The following NALF1 variants were observed in gnomAD, a reference collection of about 807,000 sequenced individuals.
NALF1 encodes the protein family with sequence similarity 155 member A.
Under a neutral mutation model 48.4 loss-of-function variants are expected in NALF1, and 3 were observed. The ratio of observed to expected loss-of-function variants is 0.06; its 90% CI spans 0.03 to 0.16. NALF1 has a LOEUF of 0.16. NALF1 is among the 10% of genes least tolerant of loss of function. The pLI, the probability that NALF1 is intolerant of heterozygous loss-of-function variation, is 1.00. For missense variants in NALF1, 526 were observed against 571.5 expected, an observed-to-expected ratio of 0.92 and a Z score of 0.81; for synonymous variants, 262 against 245.7, an observed-to-expected ratio of 1.07 and a Z score of -0.62.
intron 1 of NALF1, chr13:107,320,998 A>G (rs1444894004): frequency 1.3e-5 from 2 of 157,098 alleles, no homozygotes; most frequent in East Asian, 3.2e-4. Context: ...CAACATTTAT[A>G]AAAAAGAATT....
chr13:107,213,888 A>T (rs533819068), intron 1 of NALF1, among the ~76,000 whole-genome samples: 1 of 152,304 alleles, frequency 6.6e-6, no homozygotes, highest in Admixed American at 6.5e-5. Context: ...AGGTTCTTAC[A>T]GTTATCTCGT....
intron 1 of NALF1, among the ~76,000 whole-genome samples, chr13:107,637,047 T>C (rs1457085110): frequency 6.6e-6 from 1 of 151,840 alleles, no homozygotes; most frequent in Non-Finnish European, 1.5e-5. Context: ...ACGGTATCAG[T>C]ACAGTAAGAT....
chr13:107,634,068 C>T (rs1024848879), intron 1 of NALF1, among the ~76,000 whole-genome samples: 7 of 151,762 alleles, frequency 4.6e-5, no homozygotes, highest in Non-Finnish European at 8.8e-5. Flanking sequence ...ACATGTATCA[C>T]GAATACTTTA....
rs551460496 is a variant in NALF1, at chr13:107,598,103, G to A, written c.915+267579C>T. 3.9e-5 allele frequency among the ~76,000 whole-genome samples: 6 copies of A among 152,212 alleles called. No individual in the cohort carries two copies. In the South Asian group the frequency reaches 1.2e-3, roughly 32 times the overall value. ...GATATGCCTAGATGGTAAAACCTAG[G>A]TTAGTATTTTGCTCTCTGTCCAGAA... On this transcript the variant is annotated intron_variant, in intron 1 of 2. Transcript: ENST00000375915.
At chr13:107,841,519 A>G (rs1024496384) in intron 1 of NALF1, among the ~76,000 whole-genome samples, 11 of 152,142 alleles carry the variant, frequency 7.2e-5, no homozygotes, top group Admixed American at 5.2e-4. Flanking sequence ...GTAAATAAAT[A>G]TTATAAGTCA....
chr13:107,298,937 AT>A (rs202210882), intron 1 of NALF1, among the ~76,000 whole-genome samples: 2,256 of 151,996 alleles, frequency 0.015, 61 homozygotes, highest in African/African-American at 0.052. Context: ...AAATTTTACC[AT>A]TTTTTTCCCC....
chr13:107,760,259 G>T (rs1298487966), intron 1 of NALF1, among the ~76,000 whole-genome samples: 1 of 152,168 alleles, frequency 6.6e-6, no homozygotes. Context: ...AACTCTGGAC[G>T]CCTAAGGAGA....
At chr13:107,271,345 G>T (rs1042183769) in intron 1 of NALF1, among the ~76,000 whole-genome samples, 3 of 152,172 alleles carry the variant, frequency 2.0e-5, no homozygotes, top group Non-Finnish European at 2.9e-5. Flanking sequence ...TATTTGATGT[G>T]TAAGAAGTTC....
At chr13:107,545,498 A>G (rs2139123595) in intron 1 of NALF1, among the ~76,000 whole-genome samples, 1 of 152,214 alleles carries the variant, frequency 6.6e-6, no homozygotes, top group African/African-American at 2.4e-5. Context: ...AGCAGAGCAA[A>G]CCAGAGATGT....
intron 1 of NALF1, among the ~76,000 whole-genome samples, chr13:107,403,414 C>T (rs531552186): frequency 6.6e-6 from 1 of 151,616 alleles, no homozygotes; most frequent in African/African-American, 2.4e-5. Context: ...AATTATGGAG[C>T]TATTCTGCAC....
intron 1 of NALF1, among the ~76,000 whole-genome samples, chr13:107,469,104 T>C (rs1885054518): frequency 6.6e-6 from 1 of 152,162 alleles, no homozygotes; most frequent in Admixed American, 6.5e-5. Flanking sequence ...TTCTACTTTA[T>C]ATTTTTATAC....
chr13:107,290,134 G>A (rs1442459626), intron 1 of NALF1, among the ~76,000 whole-genome samples: 3 of 149,786 alleles, frequency 2.0e-5, no homozygotes, highest in South Asian at 2.1e-4. Context: ...TCCCCCTCAC[G>A]GTATCCTTTG....
chr13:107,250,091 G>GTTT (rs36112310), intron 1 of NALF1, among the ~76,000 whole-genome samples: 77 of 145,996 alleles, frequency 5.3e-4, no homozygotes, highest in South Asian at 2.6e-3. Context: ...AGCCACTGGT[G>GTTT]TTTTTTTTTT....
chr13:107,405,221 G>A (rs1883878175), intron 1 of NALF1, among the ~76,000 whole-genome samples: 1 of 151,932 alleles, frequency 6.6e-6, no homozygotes, highest in Admixed American at 6.6e-5. Context: ...AATGAAAGTA[G>A]AAATATAAAT....
chr13:107,820,226 A>G (rs1879325879), intron 1 of NALF1, among the ~76,000 whole-genome samples: 1 of 152,212 alleles, frequency 6.6e-6, no homozygotes, highest in Non-Finnish European at 1.5e-5. Flanking sequence ...GTAAGAGATC[A>G]ATAAATAAAT....
At chr13:107,197,645 C>T (rs1433993341) in intron 2 of NALF1, among the ~76,000 whole-genome samples, 1 of 152,204 alleles carries the variant, frequency 6.6e-6, no homozygotes, top group Non-Finnish European at 1.5e-5. Flanking sequence ...CCACAGTAAA[C>T]AACATGGCAC....
chr13:107,721,203 G>T (rs1186378186), intron 1 of NALF1, among the ~76,000 whole-genome samples: 1 of 152,092 alleles, frequency 6.6e-6, no homozygotes, highest in Admixed American at 6.6e-5. Context: ...GGACAGGATT[G>T]TGAGTGCTCT....
intron 1 of NALF1, among the ~76,000 whole-genome samples, chr13:107,783,098 G>A (rs1192487224): frequency 4.3e-5 from 6 of 139,930 alleles, no homozygotes; most frequent in African/African-American, 8.2e-5. Context: ...CAGCCGCCTC[G>A]TCCGGGAGGT....
intron 1 of NALF1, among the ~76,000 whole-genome samples, chr13:107,402,530 C>A (rs1316541051): frequency 1.3e-5 from 2 of 152,122 alleles, no homozygotes; most frequent in East Asian, 1.9e-4. Flanking sequence ...TATTACACAG[C>A]AATAGGTAAC....
Sources: allele counts gnomAD v4.1 joint callset (sites outside exome capture counted in the v4.1 genomes callset), GRCh38; gene constraint gnomAD v4.1.1; transcripts MANE v1.5; gene names NCBI Gene and HGNC (gene_info 2026-07-23, HGNC 2026-07-21).